PHKB: variants seen among roughly 807,000 people sequenced by gnomAD.
The protein encoded by PHKB is phosphorylase b kinase regulatory subunit beta.
In PHKB, 122 loss-of-function variants were observed where a neutral mutation model predicts 152.1. The observed-to-expected ratio is 0.80, with a 90% confidence interval of 0.69 to 0.93. The LOEUF is 0.93. Among genes scored for constraint, PHKB ranks in the 40% least tolerant of loss-of-function variants. The pLI is 0.00. For synonymous variants in PHKB, 436 were observed against 464.9 expected (o/e 0.94, Z 0.80); for missense variants, 1,304 against 1,328.4 (o/e 0.98, Z 0.29).
chr16:47,699,039 G>C (rs1396434693), intron 30 of PHKB, 190 bp from the exon 31 acceptor site: 25 of 615,480 alleles, frequency 4.1e-5, no homozygotes, highest in Non-Finnish European at 6.6e-5. Context: ...ACAAAGGAGA[G>C]AATACTAAAA....
Position 47,497,415 on chromosome 16 carries a change from T to C in PHKB, c.93T>C (p.Pro31=). 1 of 1,602,978 alleles carries C rather than the reference T, an allele frequency of 6.2e-7. No homozygotes were observed. Among genetic ancestry groups the C allele is most frequent in the South Asian group, 1.1e-5 (1 of 90,922 alleles). ...RTKRSGSVYE[P]LKSINLPRPD... ...TTCTTTTAGGCTCAGTTTATGAACC[T>C]CTTAAAAGCATTAATCTTCCAAGAC... Residue 31 remains proline (P), a synonymous_variant, in exon 2 of 31, where the codon CCT becomes CCC. Coordinates refer to ENST00000323584, the MANE Select transcript of PHKB (RefSeq NM_000293.3).
intron 1 of PHKB, chr16:47,463,912 G>C (rs370179176): frequency 1.2e-6 from 2 of 1,613,490 alleles, no homozygotes; most frequent in African/African-American, 2.7e-5. Flanking sequence ...AGCCTGCGAC[G>C]CTTATGATTA....
At chr16:47,499,008 A>G (rs781225672) in intron 2 of PHKB, among the ~76,000 whole-genome samples, 1 of 152,232 alleles carries the variant, frequency 6.6e-6, no homozygotes, top group Non-Finnish European at 1.5e-5. Context: ...AGTTTTTAGT[A>G]AATGTAATTT....
intron 7 of PHKB, among the ~76,000 whole-genome samples, chr16:47,551,105 C>G (rs1209002520): frequency 6.6e-6 from 1 of 152,076 alleles, no homozygotes; most frequent in African/African-American, 2.4e-5. Context: ...ATTCTTCTCT[C>G]TTTTCTTCTT....
At chr16:47,470,605 C>A (rs1384172500) in intron 1 of PHKB, among the ~76,000 whole-genome samples, 1 of 152,144 alleles carries the variant, frequency 6.6e-6, no homozygotes, top group South Asian at 2.1e-4. Flanking sequence ...TATTACTATT[C>A]CCTTTTGAAA....
chr16:47,549,635 C>T (rs528406062), intron 7 of PHKB, among the ~76,000 whole-genome samples: 7 of 152,070 alleles, frequency 4.6e-5, no homozygotes, highest in East Asian at 3.9e-4. Context: ...GTGGAGGTTG[C>T]AGTGAGCCGA....
At chr16:47,667,275 AG>A (rs1270333511) in intron 25 of PHKB, among the ~76,000 whole-genome samples, 6 of 151,930 alleles carry the variant, frequency 3.9e-5, no homozygotes, top group African/African-American at 2.4e-5. Flanking sequence ...TGCAAAAAAA[AG>A]AAAAAAAAAA....
intron 7 of PHKB, among the ~76,000 whole-genome samples, chr16:47,553,197 C>T (rs576995209): frequency 1.3e-5 from 2 of 152,252 alleles, no homozygotes; most frequent in African/African-American, 2.4e-5. Flanking sequence ...GGTCTTTCCA[C>T]ATAGTCCCAT....
At chr16:47,620,965 A>C (rs1304265435) in intron 14 of PHKB, among the ~76,000 whole-genome samples, 1 of 152,162 alleles carries the variant, frequency 6.6e-6, no homozygotes, top group Non-Finnish European at 1.5e-5. Context: ...TAAAGTGTAA[A>C]GAATTTTGAT....
At chr16:47,494,738 C>T (rs1453521907) in intron 1 of PHKB, among the ~76,000 whole-genome samples, 1 of 152,168 alleles carries the variant, frequency 6.6e-6, no homozygotes, top group African/African-American at 2.4e-5. Flanking sequence ...GTAGAATTTT[C>T]TGTTATTTTG....
chr16:47,536,262 G>A (rs951440802), intron 6 of PHKB, among the ~76,000 whole-genome samples: 1 of 152,142 alleles, frequency 6.6e-6, no homozygotes, highest in African/African-American at 2.4e-5. Context: ...TGTTGGTCAG[G>A]CTGGTCTCGA....
chr16:47,692,458 A>C (rs1489632483), intron 27 of PHKB, among the ~76,000 whole-genome samples: 1 of 152,104 alleles, frequency 6.6e-6, no homozygotes, highest in Non-Finnish European at 1.5e-5. Flanking sequence ...TCAACAAAAA[A>C]TTTAAAAATT....
At chr16:47,647,109 TTATG>T (rs991547068) in intron 16 of PHKB, among the ~76,000 whole-genome samples, 1 of 151,662 alleles carries the variant, frequency 6.6e-6, no homozygotes, top group African/African-American at 2.4e-5. Context: ...ATTTATTTAT[TTATG>T]TATTTATTTA....
chr16:47,521,523 C>T (rs1396418066), intron 6 of PHKB, among the ~76,000 whole-genome samples: 1 of 152,034 alleles, frequency 6.6e-6, no homozygotes, highest in East Asian at 1.9e-4. Context: ...GGCTTGGTGG[C>T]GTACACCTGT....
Position 47,527,367 on chromosome 16 carries a change from G to A in PHKB, c.594+11766G>A, listed in dbSNP as rs1016620415. Among the ~76,000 whole-genome samples the A allele has an allele frequency of 3.3e-5, 5 of 152,228 alleles. 1 individual carries two copies. In the South Asian group the frequency reaches 1.0e-3, roughly 32 times the overall value. On this transcript the variant is annotated intron_variant, in intron 6 of 30. Coordinates refer to ENST00000323584, the MANE Select transcript of PHKB (RefSeq NM_000293.3). Reference sequence around the variant, plus strand: ...TGGTATCAAATATAAAGGTAGGATAGAGACTCTCAAAACCAACAGCTTTAT... The same window carrying A: ...TGGTATCAAATATAAAGGTAGGATAAAGACTCTCAAAACCAACAGCTTTAT...
chr16:47,604,622 A>G (rs988273213), intron 13 of PHKB, among the ~76,000 whole-genome samples: 1 of 152,208 alleles, frequency 6.6e-6, no homozygotes, highest in African/African-American at 2.4e-5. Context: ...AGTATGTCCT[A>G]TGTAATTTTT....
intron 7 of PHKB, among the ~76,000 whole-genome samples, chr16:47,555,762 G>A (rs140521054): frequency 1.6e-4 from 25 of 152,212 alleles, no homozygotes; most frequent in South Asian, 8.3e-4. Context: ...ATGTGGGCTC[G>A]TTTTTGGTTC....
At chr16:47,596,766 G>A (rs191846726) in intron 13 of PHKB, among the ~76,000 whole-genome samples, 5 of 152,116 alleles carry the variant, frequency 3.3e-5, no homozygotes, top group Non-Finnish European at 7.4e-5. Flanking sequence ...GATCATTTAG[G>A]GGGCTGCATT....
intron 28 of PHKB, among the ~76,000 whole-genome samples, chr16:47,695,101 A>G (rs1974125106): frequency 6.6e-6 from 1 of 152,166 alleles, no homozygotes; most frequent in African/African-American, 2.4e-5. Context: ...TCACACATCT[A>G]GTAAGTAGCT....
Sources: gnomAD v4.1 joint callset for allele counts (sites outside exome capture counted in the v4.1 genomes callset) on GRCh38, gnomAD v4.1.1 for gene constraint, MANE v1.5 for transcripts, NCBI Gene and HGNC (gene_info 2026-07-23, HGNC 2026-07-21) for gene names.